The following EMILIN1 variants were observed in gnomAD, a reference collection of about 807,000 sequenced individuals.
The protein encoded by EMILIN1 is EMILIN-1.
Under a neutral mutation model 82.4 loss-of-function variants are expected in EMILIN1, and 49 were observed. The observed-to-expected ratio is 0.59, with a 90% confidence interval of 0.47 to 0.75. The LOEUF is 0.75. Among genes scored for constraint, EMILIN1 ranks in the 30% least tolerant of loss-of-function variants. The pLI, the probability that EMILIN1 is intolerant of heterozygous loss-of-function variation, is 0.00. For synonymous variants in EMILIN1, 604 were observed against 602.2 expected (o/e 1.00, Z -0.04); for missense variants, 1,313 against 1,366.4 (o/e 0.96, Z 0.62).
rs574147213 is a variant in EMILIN1, at chr2:27,085,774, A to T, written c.2810A>T (p.Asn937Ile). The T allele has an allele frequency of 6.2e-7, 1 of 1,612,674 alleles. No homozygotes were observed. The highest frequency in any genetic ancestry group is 1.1e-5 in the South Asian group (1 of 91,076). ...GTGGAGGCCGTGCTGTCCCGCTCCA[A>T]CCAGGGCGTGGCCCGCGTAGACTCC... Reference protein sequence around the residue: ...EKVEAVLSRSNQGVARVDSGG... With the variant: ...EKVEAVLSRSIQGVARVDSGG... The change falls in exon 8 of 8, where the codon AAC becomes ATC. Residue 937 changes from asparagine to isoleucine, a missense_variant. Asn to Ile is a moderately radical substitution (Grantham distance 149, BLOSUM62 -3). Transcript: ENST00000380320.
Position 27,080,892 on chromosome 2 carries a change from G to C in EMILIN1, c.451G>C (p.Ala151Pro). 6.2e-7 allele frequency: 1 copy of C among 1,607,346 alleles called. No individual in the cohort carries two copies. The highest frequency in any genetic ancestry group is 8.5e-7 in the Non-Finnish European group (1 of 1,177,288). Residue 151 changes from alanine (A) to proline (P), a missense_variant, in exon 3 of 8, where the codon GCC becomes CCC. By Grantham distance (27) the Ala-to-Pro change is conservative. Transcript: ENST00000380320. Reference protein sequence around the residue: ...SSTPRPLARPARPNLSGSSAG... With the variant: ...SSTPRPLARPPRPNLSGSSAG... ...CACACCACGGCCCCTGGCCCGGCCTGCCCGCCCCAACCTCTCTGGCTCCAG... is the reference window on the plus strand; with the variant it reads ...CACACCACGGCCCCTGGCCCGGCCTCCCCGCCCCAACCTCTCTGGCTCCAG...
Position 27,085,925 on chromosome 2 carries a change from G to A in EMILIN1, c.2961G>A (p.Leu987=). The change falls in exon 8 of 8, where the codon CTG becomes CTA. Residue 987 remains leucine, a synonymous_variant. Coordinates refer to ENST00000380320, the MANE Select transcript of EMILIN1 (RefSeq NM_007046.4). ...CCGGGGACACGGTCTGCGTCGACCT[G>A]GTCATGGGGCAGCTGGCGCACTCGG... ...LQAGDTVCVD[L]VMGQLAHSEE... 1 of 1,540,788 alleles carries A rather than the reference G, an allele frequency of 6.5e-7. No individual in the cohort carries two copies. The highest frequency in any genetic ancestry group is 8.8e-7 in the Non-Finnish European group (1 of 1,137,152).
At position 27,079,299 on chromosome 2, in the gene EMILIN1, C is replaced by T. The variant is rs1669436178; in HGVS notation, c.170+64C>T. ...GGAAGGGGTCAGAATGCCACCTCTG[C>T]CTGGCTCTCTGCTGTGTCCGCTAAT... On this transcript the variant is annotated intron_variant, in intron 1 of 7. Coordinates refer to ENST00000380320, the MANE Select transcript of EMILIN1 (RefSeq NM_007046.4). 3.7e-6 allele frequency: 5 copies of T among 1,348,604 alleles called. 1 individual carries two copies. The highest frequency in any genetic ancestry group is 2.7e-5 in the South Asian group (2 of 73,030). 83.5% of individuals were successfully genotyped at this position (1,348,604 alleles called of 1,614,324 possible).
At chr2:27,080,994 G>A in intron 3 of EMILIN1, 42 bp downstream of exon 3, 3 of 1,419,584 alleles carry the variant, frequency 2.1e-6, no homozygotes, top group Non-Finnish European at 2.9e-6. Flanking sequence ...GTTCCAAATG[G>A]TGATCCAATG....
Sources: allele counts gnomAD v4.1 joint callset, GRCh38; gene constraint gnomAD v4.1.1; transcripts MANE v1.5; gene names NCBI Gene and HGNC (gene_info 2026-07-23, HGNC 2026-07-21).